Variants in ZC2HC1B observed in about 807,000 individuals in gnomAD.
ZC2HC1B encodes zinc finger C2HC domain-containing protein 1B.
In ZC2HC1B, 36 loss-of-function variants were observed where a neutral mutation model predicts 31.0. That is an observed-to-expected ratio of 1.16 (90% CI 0.89 to 1.54). The LOEUF is 1.54. Ranked by LOEUF, ZC2HC1B falls within the 40% of genes most tolerant of loss-of-function variation. The pLI, the probability that ZC2HC1B is intolerant of heterozygous loss-of-function variation, is 0.00. For synonymous variants in ZC2HC1B, 73 were observed against 88.0 expected (o/e 0.83, Z 0.95); for missense variants, 260 against 268.6 (o/e 0.97, Z 0.22).
chr6:143,877,668 G>A (rs1212207086), intron 1 of ZC2HC1B, among the ~76,000 whole-genome samples: 6 of 149,932 alleles, frequency 4.0e-5, no homozygotes, highest in African/African-American at 1.5e-4. Context: ...ACGTTCTTCA[G>A]ATCTTTGGAA....
In ZC2HC1B at chr6:143,872,217, G is replaced by A. The variant is rs887669738; in HGVS notation, c.28+7650G>A. On this transcript the variant is annotated intron_variant, in intron 1 of 7. Transcript: ENST00000237275. The surrounding 1 kb of genome is among the most constrained non-coding windows in gnomAD (Gnocchi z 5.5). ...CCTTCATTCAAGCAGCTCTGGGTTCGTAAACTGGCTCAAGTCTGGAAATTA... is the reference window on the plus strand; with the variant it reads ...CCTTCATTCAAGCAGCTCTGGGTTCATAAACTGGCTCAAGTCTGGAAATTA... 9.2e-5 allele frequency among the ~76,000 whole-genome samples: 14 copies of A among 152,230 alleles called. No homozygotes were observed. Among genetic ancestry groups the A allele is most frequent in the Middle Eastern group, 3.4e-3 (1 of 294 alleles).
At chr6:143,916,692 C>T (rs1431833859) in intron 6 of ZC2HC1B, among the ~76,000 whole-genome samples, 2 of 152,216 alleles carry the variant, frequency 1.3e-5, no homozygotes, top group Non-Finnish European at 2.9e-5. Context: ...TATTTTGGAG[C>T]TTCAAGATTT....
chr6:143,880,992 A>T (rs113018713), intron 1 of ZC2HC1B, among the ~76,000 whole-genome samples: 7 of 152,184 alleles, frequency 4.6e-5, no homozygotes, highest in African/African-American at 1.7e-4. Flanking sequence ...ATTTGATAAC[A>T]CGCAGAACCA....
intron 6 of ZC2HC1B, among the ~76,000 whole-genome samples, chr6:143,928,901 T>C (rs2128497638): frequency 6.6e-6 from 1 of 152,190 alleles, no homozygotes; most frequent in East Asian, 1.9e-4. Flanking sequence ...ATGATTATTA[T>C]TGCTGTATAG....
At chr6:143,932,230 C>T (rs1431343312) in intron 6 of ZC2HC1B, among the ~76,000 whole-genome samples, 2 of 152,114 alleles carry the variant, frequency 1.3e-5, no homozygotes, top group African/African-American at 4.8e-5. Flanking sequence ...GGAAGTTTTC[C>T]TCAATTATCA....
intron 6 of ZC2HC1B, among the ~76,000 whole-genome samples, chr6:143,912,370 T>C (rs1777870753): frequency 6.6e-6 from 1 of 152,242 alleles, no homozygotes; most frequent in Non-Finnish European, 1.5e-5. Context: ...TTCAGTGTTT[T>C]TGCATTGCTT....
chr6:143,891,686 T>C (rs558253779), intron 4 of ZC2HC1B, among the ~76,000 whole-genome samples: 2 of 137,570 alleles, frequency 1.5e-5, no homozygotes, highest in South Asian at 2.2e-4. Context: ...AGAGCGAAAC[T>C]CTGTCTCAAA....
At chr6:143,897,530 G>A (rs1363161235) in intron 4 of ZC2HC1B, among the ~76,000 whole-genome samples, 1 of 151,746 alleles carries the variant, frequency 6.6e-6, no homozygotes. Flanking sequence ...CAGAGAACCT[G>A]GGGCCGACAG....
Position 143,884,361 on chromosome 6 carries a change from T to G in ZC2HC1B, c.86T>G (p.Val29Gly). The change falls in exon 2 of 8, where the codon GTT (valine) becomes GGT (glycine). Residue 29 changes from valine (V) to glycine (G), a missense_variant. Coordinates refer to ENST00000237275, the MANE Select transcript of ZC2HC1B (RefSeq NM_001013623.3). The surrounding 1 kb of genome is among the most constrained non-coding windows in gnomAD (Gnocchi z 5.1). ...EVCGRRFAADVLERHGPICKK... is the reference protein window; with the variant it reads ...EVCGRRFAADGLERHGPICKK... Reference sequence around the variant, plus strand: ...TGTGGAAGACGTTTTGCAGCAGATGTTCTGGTAAACATAAAGACATTTTGT... The same window carrying G: ...TGTGGAAGACGTTTTGCAGCAGATGGTCTGGTAAACATAAAGACATTTTGT... 1 of 1,538,118 alleles carries G rather than the reference T, an allele frequency of 6.5e-7. No homozygotes were observed. Among genetic ancestry groups the G allele is most frequent in the Non-Finnish European group, 8.8e-7 (1 of 1,136,826 alleles).
At position 143,886,248 on chromosome 6, in the gene ZC2HC1B, A is replaced by C. The variant is rs1777529525; in HGVS notation, c.210+97A>C. The C allele has an allele frequency of 7.8e-7, 1 of 1,279,754 alleles. No homozygotes were observed. The highest frequency in any genetic ancestry group is 1.5e-5 in the African/African-American group (1 of 64,910). 79.3% of individuals were successfully genotyped at this position (1,279,754 alleles called of 1,614,324 possible). A position where few individuals can be genotyped will look rare whatever the true frequency, so the allele number is the denominator to read the frequency against. On this transcript the variant is annotated intron_variant, in intron 3 of 7. Transcript: ENST00000237275. The surrounding 1 kb of genome is among the most constrained non-coding windows in gnomAD (Gnocchi z 4.2). ...TGGTTTCATTTTTGCTTGATAATACAGTAATGTAATGTAACTGTAATCCAC... is the reference window on the plus strand; with the variant it reads ...TGGTTTCATTTTTGCTTGATAATACCGTAATGTAATGTAACTGTAATCCAC...
Position 143,898,567 on chromosome 6 carries a change from C to T in ZC2HC1B, c.365C>T (p.Pro122Leu), listed in dbSNP as rs1358515535. The T allele has an allele frequency of 1.3e-6, 2 of 1,551,632 alleles. No individual in the cohort carries two copies. The highest frequency in any genetic ancestry group is 4.9e-5 in the East Asian group (2 of 40,924). ...PSLNPDYIQR[P>L]YCMRRFNESA... is the part of the protein sequence containing the mutation. ...TTACATTCAGATTATATTCAACGTC[C>T]ATATTGTATGAGAAGGTTTAATGAA... The change falls in exon 5 of 8, where the codon CCA (proline) becomes CTA (leucine). Residue 122 changes from proline to leucine, a missense_variant. Coordinates refer to ENST00000237275, the MANE Select transcript of ZC2HC1B (RefSeq NM_001013623.3).
Position 143,886,038 on chromosome 6 carries a change from C to T in ZC2HC1B, c.97C>T (p.His33Tyr), listed in dbSNP as rs753824162. 4.6e-6 allele frequency: 7 copies of T among 1,530,772 alleles called. No homozygotes were observed. Among genetic ancestry groups the T allele is most frequent in the African/African-American group, 1.4e-5 (1 of 71,952 alleles). The allele number at this position is 1,530,772 out of a possible 1,614,324, so 94.8% of individuals were successfully genotyped here. ...CCTACTCTTCGTTTTCTAGGAAAGG[C>T]ATGGACCAATATGTAAGAAACTCTT... ...RRFAADVLER[H>Y]GPICKKLFNR... Residue 33 changes from histidine (H) to tyrosine (Y), a missense_variant, in exon 3 of 8, where the codon CAT (histidine) becomes TAT (tyrosine). Coordinates refer to ENST00000237275, the MANE Select transcript of ZC2HC1B (RefSeq NM_001013623.3). The surrounding 1 kb of genome is among the most constrained non-coding windows in gnomAD (Gnocchi z 4.2).
intron 4 of ZC2HC1B, among the ~76,000 whole-genome samples, chr6:143,893,405 A>C (rs1432799635): frequency 6.6e-6 from 1 of 152,028 alleles, no homozygotes; most frequent in African/African-American, 2.4e-5. Context: ...TCTCTACTAA[A>C]AATACAAAAA....
At chr6:143,878,729 G>A (rs1437775995) in intron 1 of ZC2HC1B, among the ~76,000 whole-genome samples, 2 of 152,080 alleles carry the variant, frequency 1.3e-5, no homozygotes, top group East Asian at 1.9e-4. Context: ...TGTGACCAGA[G>A]ACTCACAGGA....
rs1425783525 is a variant in ZC2HC1B at position 143,923,573 on chromosome 6, A to G, written c.599-14076A>G. On this transcript the variant is annotated intron_variant, in intron 6 of 7. Coordinates refer to ENST00000237275, the MANE Select transcript of ZC2HC1B (RefSeq NM_001013623.3). This position sits in a 1 kb window ranked among gnomAD's most constrained non-coding sequence, Gnocchi z 4.8. Reference sequence around the variant, plus strand: ...TTCCCTATTTTCTTCTAGTAGTTTCATAGTTTTGGGTCTTATGTTTAAGTC... The same window carrying G: ...TTCCCTATTTTCTTCTAGTAGTTTCGTAGTTTTGGGTCTTATGTTTAAGTC... Among the ~76,000 whole-genome samples, 1 of 151,958 alleles carries G rather than the reference A, an allele frequency of 6.6e-6. No individual in the cohort carries two copies. Among genetic ancestry groups the G allele is most frequent in the African/African-American group, 2.4e-5 (1 of 41,368 alleles).
chr6:143,901,482 A>G (rs1177105265), intron 5 of ZC2HC1B, among the ~76,000 whole-genome samples: 1 of 150,482 alleles, frequency 6.6e-6, no homozygotes, highest in African/African-American at 2.4e-5. Flanking sequence ...CTGGTCTCGA[A>G]CTCCTGACCT....
rs1401208719 is a variant in ZC2HC1B, at chr6:143,895,668, G to A, written c.350-2884G>A. 6.6e-6 allele frequency among the ~76,000 whole-genome samples: 1 copy of A among 152,146 alleles called. No individual in the cohort carries two copies. Among genetic ancestry groups the A allele is most frequent in the Non-Finnish European group, 1.5e-5 (1 of 68,030 alleles). On this transcript the variant is annotated intron_variant, in intron 4 of 7. Coordinates refer to ENST00000237275, the MANE Select transcript of ZC2HC1B (RefSeq NM_001013623.3). The surrounding 1 kb of genome is among the most constrained non-coding windows in gnomAD (Gnocchi z 4.8). ...TTTCTAGGATACTGTGACAGTTTATGGGGACAGTGATATAGAATATTTATA... is the reference window on the plus strand; with the variant it reads ...TTTCTAGGATACTGTGACAGTTTATAGGGACAGTGATATAGAATATTTATA...
At position 143,884,865 on chromosome 6, in the gene ZC2HC1B, G is replaced by T. The variant is rs1230831616; in HGVS notation, c.90+500G>T. On this transcript the variant is annotated intron_variant, in intron 2 of 7. Transcript: ENST00000237275. The surrounding 1 kb of genome is among the most constrained non-coding windows in gnomAD (Gnocchi z 5.1). ...GGTTTTTATACCATTTGAACAAAAT[G>T]ATACATGGATGTAAGTCCTGTTCCA... Among the ~76,000 whole-genome samples, 1 of 152,114 alleles carries T rather than the reference G, an allele frequency of 6.6e-6. No individual in the cohort carries two copies. The highest frequency in any genetic ancestry group is 2.4e-5 in the African/African-American group (1 of 41,418).
chr6:143,935,580 G>T (rs1228002464), intron 6 of ZC2HC1B, among the ~76,000 whole-genome samples: 1 of 145,300 alleles, frequency 6.9e-6, no homozygotes, highest in African/African-American at 2.6e-5. Flanking sequence ...TTGTTGTTGG[G>T]TTTTTTGTTA....
Sources: allele counts gnomAD v4.1 joint callset (sites outside exome capture counted in the v4.1 genomes callset), GRCh38; gene constraint gnomAD v4.1.1; non-coding constraint Gnocchi (gnomAD v3.1); transcripts MANE v1.5; gene names NCBI Gene and HGNC (gene_info 2026-07-23, HGNC 2026-07-21).